Variants in PMPCB observed in about 807,000 individuals in gnomAD.
PMPCB encodes peptidase, mitochondrial processing subunit beta.
A neutral mutation model predicts 61.5 loss-of-function variants in PMPCB; 46 were observed. The observed-to-expected ratio is 0.75, with a 90% CI of 0.59 to 0.96. The LOEUF (loss-of-function observed/expected upper bound fraction) is 0.96, where lower values mean the gene tolerates loss of function less well. Among genes scored for constraint, PMPCB ranks in the 40% least tolerant of loss-of-function variants. PMPCB has a pLI of 0.00. For synonymous variants in PMPCB, 191 were observed against 201.6 expected, an observed-to-expected ratio of 0.95 and a Z score of 0.44; for missense variants, 590 against 602.4, an observed-to-expected ratio of 0.98 and a Z score of 0.22.
intron 2 of PMPCB, among the ~76,000 whole-genome samples, chr7:103,298,990 A>C (rs1563443480): frequency 6.6e-6 from 1 of 152,150 alleles, no homozygotes; most frequent in Admixed American, 6.5e-5. Flanking sequence ...TTGCAGGGCT[A>C]CTCTGCCAAG....
At chr7:103,327,721 TTGTC>T in intron 12 of PMPCB, 1 of 1,613,664 alleles carries the variant, frequency 6.2e-7, no homozygotes, top group East Asian at 2.2e-5. Context: ...TGCTTTCCGT[TTGTC>T]TGGGTGATGT....
chr7:103,299,921 T>G (rs1203045030), intron 3 of PMPCB, among the ~76,000 whole-genome samples: 1 of 152,002 alleles, frequency 6.6e-6, no homozygotes, highest in Non-Finnish European at 1.5e-5. Context: ...TATATATATA[T>G]ATATGTTTGT....
At chr7:103,322,465 G>C in intron 12 of PMPCB, 1 of 1,392,406 alleles carries the variant, frequency 7.2e-7, no homozygotes. Context: ...GAAGATTAAA[G>C]ATTTCATAAA....
intron 6 of PMPCB, among the ~76,000 whole-genome samples, chr7:103,305,149 T>A (rs1817543775): frequency 6.6e-6 from 1 of 152,234 alleles, no homozygotes; most frequent in Non-Finnish European, 1.5e-5. Flanking sequence ...TCGTCCTTGT[T>A]CAAGCATGGA....
chr7:103,329,000 C>T, exon 13 of PMPCB: 1 of 1,277,420 alleles, frequency 7.8e-7, no homozygotes, highest in Non-Finnish European at 1.0e-6. Context: ...CAAACTATTT[C>T]ATACTCCTAC....
chr7:103,298,280 T>C (rs557470957), intron 1 of PMPCB, among the ~76,000 whole-genome samples: 1 of 152,182 alleles, frequency 6.6e-6, no homozygotes, highest in Admixed American at 6.5e-5. Context: ...ATAAAACATT[T>C]CTAGGAGAGG....
chr7:103,321,741 C>A (rs1382008801), intron 12 of PMPCB, among the ~76,000 whole-genome samples: 1 of 152,054 alleles, frequency 6.6e-6, no homozygotes, highest in Non-Finnish European at 1.5e-5. Context: ...CCCAGCTACT[C>A]GGGAGGCTGA....
downstream of PMPCB, among the ~76,000 whole-genome samples, chr7:103,318,563 C>G (rs900600413): frequency 2.6e-5 from 4 of 152,240 alleles, no homozygotes; most frequent in African/African-American, 9.6e-5. Context: ...CCTTAAGGTT[C>G]TTCTCAGGTT....
the PMPCB span, among the ~76,000 whole-genome samples, chr7:103,347,311 T>C: frequency 6.6e-6 from 1 of 152,248 alleles, no homozygotes; most frequent in Admixed American, 6.5e-5. Flanking sequence ...GTTGTCCATT[T>C]GTATATCTTC....
chr7:103,338,267 C>CT, the PMPCB span, among the ~76,000 whole-genome samples: 17,974 of 124,026 alleles, frequency 0.14, 2,622 homozygotes, highest in African/African-American at 0.39. Flanking sequence ...AAGACCCTGT[C>CT]TTTTTTTTTT....
downstream of PMPCB, chr7:103,316,091 G>T (rs367848762): frequency 6.5e-6 from 10 of 1,538,560 alleles, no homozygotes; most frequent in Non-Finnish European, 7.1e-6. Flanking sequence ...CTTCCCATCT[G>T]ATAGGATATA....
At chr7:103,309,725 C>G (rs1817685838) in intron 8 of PMPCB, among the ~76,000 whole-genome samples, 1 of 152,122 alleles carries the variant, frequency 6.6e-6, no homozygotes. Context: ...CATTAATTTC[C>G]TTGTTTTTCA....
At position 103,312,967 on chromosome 7, in the gene PMPCB, C is replaced by T. The variant is rs779190740; in HGVS notation, c.*696C>T. 6.8e-6 allele frequency: 11 copies of T among 1,613,498 alleles called. No homozygotes were observed. In the African/African-American group the frequency reaches 1.5e-4, roughly 22 times the overall value. On this transcript the variant is annotated 3_prime_UTR_variant, in exon 13 of 13. Transcript: ENST00000249269. Reference sequence around the variant, plus strand: ...GCAACCTTGTATCGTTTCATGCAGTCCTTCTTTGTCCTGCCAGGCACCGCT... The same window carrying T: ...GCAACCTTGTATCGTTTCATGCAGTTCTTCTTTGTCCTGCCAGGCACCGCT...
At chr7:103,297,917 C>A in intron 1 of PMPCB, 1 of 1,281,960 alleles carries the variant, frequency 7.8e-7, no homozygotes, top group Non-Finnish European at 1.0e-6. Flanking sequence ...GAACTTCGTC[C>A]TCAGCTGGGC....
chr7:103,319,069 G>A (rs1240580809), downstream of PMPCB, among the ~76,000 whole-genome samples: 1 of 151,942 alleles, frequency 6.6e-6, no homozygotes, highest in African/African-American at 2.4e-5. Flanking sequence ...AAAATCAGCC[G>A]GGCATGGTGG....
downstream of PMPCB, chr7:103,315,797 C>T: frequency 6.2e-7 from 1 of 1,613,760 alleles, no homozygotes; most frequent in Non-Finnish European, 8.5e-7. Context: ...GCGTTGTCTG[C>T]TTGAGGTACC....
At chr7:103,323,433 A>G (rs1818529972) in intron 12 of PMPCB, among the ~76,000 whole-genome samples, 1 of 152,216 alleles carries the variant, frequency 6.6e-6, no homozygotes, top group African/African-American at 2.4e-5. Flanking sequence ...ATCTGGGCCC[A>G]CCTAGTTTAA....
chr7:103,308,833 A>G (rs527757513), intron 7 of PMPCB, 119 bp from the exon 8 acceptor site: 2 of 649,696 alleles, frequency 3.1e-6, no homozygotes, highest in Non-Finnish European at 4.8e-6. Flanking sequence ...AAATCAAAAT[A>G]GAGTCCTGGT....
At chr7:103,345,255 C>A in the PMPCB span, 1 of 152,436 alleles carries the variant, frequency 6.6e-6, no homozygotes. Context: ...GGAGAAGAAA[C>A]CTCTCTCTAG....
Sources: gnomAD v4.1 joint callset for allele counts (sites outside exome capture counted in the v4.1 genomes callset) on GRCh38, gnomAD v4.1.1 for gene constraint, MANE v1.5 for transcripts, NCBI Gene and HGNC (gene_info 2026-07-23, HGNC 2026-07-21) for gene names.